BCR: variants seen among roughly 807,000 people sequenced by gnomAD.
BCR encodes BCR activator of RhoGEF and GTPase.
Under a neutral mutation model 138.6 loss-of-function variants are expected in BCR, and 58 were observed. That is an observed-to-expected ratio of 0.42 (90% CI 0.34 to 0.52). The LOEUF (loss-of-function observed/expected upper bound fraction) is 0.52. Ranked by LOEUF, BCR falls within the 20% of genes least tolerant of loss-of-function variation. The probability of loss-of-function intolerance (pLI) is 0.06; values close to 1 mark genes in which losing one functional copy is unlikely to be tolerated. For missense variants in BCR, 1,599 were observed against 1,727.2 expected (o/e 0.93, Z 1.32); for synonymous variants, 786 against 730.1 (o/e 1.08, Z -1.23).
intron 1 of BCR, among the ~76,000 whole-genome samples, chr22:23,200,086 CAA>C (rs112561203): frequency 2.8e-4 from 29 of 103,968 alleles, no homozygotes; most frequent in Admixed American, 5.4e-4. Context: ...GACTGCGTCT[CAA>C]AAAAAAAAAA....
At chr22:23,251,745 A>AGGT (rs1221428999) in intron 1 of BCR, among the ~76,000 whole-genome samples, 1 of 152,222 alleles carries the variant, frequency 6.6e-6, no homozygotes, top group Non-Finnish European at 1.5e-5. Flanking sequence ...GGCTGCTTAC[A>AGGT]GGTGACTCAT....
At chr22:23,284,984 C>G in intron 9 of BCR, 49 bp from the exon 10 acceptor site, 2 of 1,582,184 alleles carry the variant, frequency 1.3e-6, no homozygotes, top group Non-Finnish European at 1.7e-6. Flanking sequence ...TGACATCAGC[C>G]ATAGAAGGCA....
intron 1 of BCR, among the ~76,000 whole-genome samples, chr22:23,222,833 A>G (rs2072841669): frequency 6.6e-6 from 1 of 152,198 alleles, no homozygotes; most frequent in Admixed American, 6.5e-5. Context: ...ATAAAGACTA[A>G]CAAGGTGTCT....
chr22:23,263,521 A>G (rs2073398029), intron 4 of BCR: 1 of 1,576,624 alleles, frequency 6.3e-7, no homozygotes, highest in East Asian at 2.2e-5. Context: ...TACATATCCC[A>G]GGCTAATTTC....
At chr22:23,203,026 G>A (rs765291901) in intron 1 of BCR, among the ~76,000 whole-genome samples, 1 of 151,646 alleles carries the variant, frequency 6.6e-6, no homozygotes, top group Non-Finnish European at 1.5e-5. Context: ...CTCATCTGTC[G>A]TTTTTTTTCT....
intron 1 of BCR, among the ~76,000 whole-genome samples, chr22:23,226,323 AGAGAG>A (rs2072893281): frequency 3.9e-5 from 2 of 51,594 alleles, no homozygotes; most frequent in African/African-American, 1.4e-4. Flanking sequence ...AGAGAGAGAG[AGAGAG>A]TGTGTGTGTG....
chr22:23,309,875 T>A, intron 17 of BCR: 1 of 324,990 alleles, frequency 3.1e-6, no homozygotes, highest in Non-Finnish European at 5.7e-6. Flanking sequence ...AAAATGTTAA[T>A]ATTTGAGATT....
chr22:23,303,276 A>G (rs911795529), intron 16 of BCR, among the ~76,000 whole-genome samples: 15 of 152,246 alleles, frequency 9.9e-5, no homozygotes, highest in African/African-American at 3.6e-4. Context: ...TTCCAGCAGC[A>G]GAGACAAACA....
At chr22:23,309,239 G>A (rs2073981986) in intron 16 of BCR, among the ~76,000 whole-genome samples, 185 bp from the exon 17 acceptor site, 1 of 152,190 alleles carries the variant, frequency 6.6e-6, no homozygotes, top group Non-Finnish European at 1.5e-5. Flanking sequence ...TGGGGCCCTG[G>A]GTTCCAGGGG....
intron 4 of BCR, 53 bp downstream of exon 4, chr22:23,261,593 G>C (rs559260435): frequency 1.9e-6 from 3 of 1,579,484 alleles, no homozygotes; most frequent in South Asian, 2.2e-5. Context: ...ACCACGTCCA[G>C]CTAATTTTTT....
chr22:23,299,025 C>G (rs769825438), intron 16 of BCR, among the ~76,000 whole-genome samples: 10 of 152,350 alleles, frequency 6.6e-5, no homozygotes, highest in Non-Finnish European at 1.3e-4. Flanking sequence ...GAGACAGAGT[C>G]TGGCTCTGTC....
intron 1 of BCR, among the ~76,000 whole-genome samples, chr22:23,203,507 A>G (rs1339998478): frequency 6.6e-6 from 1 of 152,200 alleles, no homozygotes; most frequent in East Asian, 1.9e-4. Flanking sequence ...TTTGGGTCAG[A>G]GGAGTCTGTG....
chr22:23,274,232 G>A (rs943317322), intron 8 of BCR, among the ~76,000 whole-genome samples: 4 of 152,190 alleles, frequency 2.6e-5, no homozygotes, highest in Non-Finnish European at 5.9e-5. Context: ...GGGGTTCGTG[G>A]TTTGTGTCTG....
At chr22:23,241,086 G>T (rs551145398) in intron 1 of BCR, among the ~76,000 whole-genome samples, 6 of 152,228 alleles carry the variant, frequency 3.9e-5, no homozygotes, top group Non-Finnish European at 8.8e-5. Context: ...TGCATTGATG[G>T]ATGCTAGGGT....
At position 23,181,530 on chromosome 22, in the gene BCR, G is replaced by T; in HGVS notation, c.570G>T (p.Lys190Asn). ...VEFHHERGLV[K>N]VNDKEVSDRI... ...TTCACCACGAGCGCGGCCTGGTGAA[G>T]GTCAACGACAAAGAGGTGTCGGACC... Residue 190 changes from lysine to asparagine, a missense_variant, in exon 1 of 23, where the codon AAG becomes AAT. Transcript: ENST00000305877. 2 of 1,612,940 alleles carry T rather than the reference G, an allele frequency of 1.2e-6. No individual in the cohort carries two copies. Among genetic ancestry groups the T allele is most frequent in the South Asian group, 1.1e-5 (1 of 91,086 alleles).
chr22:23,239,839 C>A (rs1256395032), intron 1 of BCR, among the ~76,000 whole-genome samples: 1 of 151,652 alleles, frequency 6.6e-6, no homozygotes, highest in Non-Finnish European at 1.5e-5. Flanking sequence ...TAAGAGACAG[C>A]GTCTCCCTCT....
At chr22:23,188,336 T>A (rs373061741) in intron 1 of BCR, among the ~76,000 whole-genome samples, 71 of 152,366 alleles carry the variant, frequency 4.7e-4, no homozygotes, top group African/African-American at 1.6e-3. Context: ...GCTGTTGATT[T>A]GACTGGGTTC....
intron 1 of BCR, among the ~76,000 whole-genome samples, chr22:23,251,543 C>T (rs2073228635): frequency 6.6e-6 from 1 of 152,234 alleles, no homozygotes; most frequent in Non-Finnish European, 1.5e-5. Context: ...TGGCAGATCA[C>T]TCCAGACACA....
intron 20 of BCR, 142 bp from the exon 21 acceptor site, chr22:23,313,826 A>G (rs567071779): frequency 2.4e-5 from 19 of 806,092 alleles, no homozygotes; most frequent in African/African-American, 5.0e-5. Context: ...AGGGTCCTCA[A>G]TGGGGGCCAG....
Sources: allele counts gnomAD v4.1 joint callset (sites outside exome capture counted in the v4.1 genomes callset), GRCh38; gene constraint gnomAD v4.1.1; transcripts MANE v1.5; gene names NCBI Gene and HGNC (gene_info 2026-07-23, HGNC 2026-07-21).